WDFY3: variants seen among roughly 807,000 people sequenced by gnomAD.
WDFY3 encodes the protein WD repeat and FYVE domain-containing protein 3.
WDFY3 carries 66 observed loss-of-function variants against 409.6 expected under a neutral mutation model. That is an observed-to-expected ratio of 0.16 (90% CI 0.13 to 0.20). The LOEUF is 0.20. WDFY3 is among the 10% of genes least tolerant of loss of function. The pLI is 1.00. For synonymous variants in WDFY3, 1,521 were observed against 1,537.1 expected, an observed-to-expected ratio of 0.99 and a Z score of 0.25; for missense variants, 3,031 against 4,298.1, an observed-to-expected ratio of 0.71 and a Z score of 8.24.
Position 84,806,713 on chromosome 4 carries a change from T to C in WDFY3, c.2429+1621A>G, listed in dbSNP as rs549509768. On this transcript the variant is annotated intron_variant, in intron 15 of 67. Coordinates refer to ENST00000295888, the MANE Select transcript of WDFY3 (RefSeq NM_014991.6). ...CCTCCGCCTCCTTCGTTCATGCAGT[T>C]CTCCTGACTCAGCTCCTGAGTAGCT... 2.0e-5 allele frequency among the ~76,000 whole-genome samples: 3 copies of C among 152,136 alleles called. No individual in the cohort carries two copies. In the East Asian group the frequency reaches 5.8e-4, roughly 30 times the overall value.
At chr4:84,702,993 G>A (rs1478570808) in intron 55 of WDFY3, among the ~76,000 whole-genome samples, 1 of 152,066 alleles carries the variant, frequency 6.6e-6, no homozygotes, top group Non-Finnish European at 1.5e-5. Flanking sequence ...CTACTTGGGA[G>A]GCTGAGGCAG....
chr4:84,831,348 T>C, intron 8 of WDFY3, 65 bp downstream of exon 8: 1 of 1,157,192 alleles, frequency 8.6e-7, no homozygotes, highest in Non-Finnish European at 1.1e-6. Context: ...TAAAAATAAA[T>C]CTATTATTAA....
rs1477160344 is a variant in WDFY3 at position 84,751,545 on chromosome 4, T to C, written c.5911A>G (p.Ile1971Val). 7 of 1,614,106 alleles carry C rather than the reference T, an allele frequency of 4.3e-6. No individual in the cohort carries two copies. The highest frequency in any genetic ancestry group is 5.9e-6 in the Non-Finnish European group (7 of 1,180,056). ...FVFDFMRVLI[I>V]DNLCLTPASK... The stretch of plus-strand genomic sequence containing the variant: ...GCAGGAGTGAGACAGAGGTTGTCTA[T>C]GATTAAGACCCGCATGAAGTCAAAA... The change falls in exon 36 of 68, where the codon ATA becomes GTA. Residue 1971 changes from isoleucine (I) to valine (V), a missense_variant. Physicochemically the swap from Ile to Val is conservative, Grantham distance 29 (BLOSUM62 3). Transcript: ENST00000295888.
At chr4:84,721,894 T>C (rs1578250256) in intron 46 of WDFY3, among the ~76,000 whole-genome samples, 2 of 152,074 alleles carry the variant, frequency 1.3e-5, no homozygotes, top group Non-Finnish European at 2.9e-5. Context: ...TCTTAGAGGA[T>C]TGTTGGAGGA....
intron 13 of WDFY3, among the ~76,000 whole-genome samples, chr4:84,812,050 G>A (rs1050073985): frequency 6.6e-6 from 1 of 151,986 alleles, no homozygotes; most frequent in Admixed American, 6.6e-5. Flanking sequence ...TTTGGATGAG[G>A]GATGCTCAAC....
At chr4:84,733,178 C>A (rs569197435) in intron 44 of WDFY3, among the ~76,000 whole-genome samples, 138 of 152,264 alleles carry the variant, frequency 9.1e-4, no homozygotes, top group African/African-American at 3.2e-3. Flanking sequence ...AGTCTGTAAT[C>A]TAAACCTCTT....
Position 84,712,061 on chromosome 4 carries a change from T to C in WDFY3, c.8042+1098A>G, listed in dbSNP as rs909911128. ...AATCATAGCCGGGCATGGTGACTCA[T>C]GCCTGCAATCCCAGCGCTTTGAGGG... On this transcript the variant is annotated intron_variant, in intron 51 of 67. Coordinates refer to ENST00000295888, the MANE Select transcript of WDFY3 (RefSeq NM_014991.6). Among the ~76,000 whole-genome samples, 8 of 152,116 alleles carry C rather than the reference T, an allele frequency of 5.3e-5. No individual in the cohort carries two copies. In the East Asian group the frequency reaches 9.7e-4, roughly 18 times the overall value.
chr4:84,867,977 T>C (rs1406790383), intron 3 of WDFY3, among the ~76,000 whole-genome samples: 3 of 151,884 alleles, frequency 2.0e-5, no homozygotes, highest in Admixed American at 6.6e-5. Flanking sequence ...AAGATCATCC[T>C]GGCCAACATG....
At chr4:84,926,756 G>A (rs1199634014) in intron 2 of WDFY3, among the ~76,000 whole-genome samples, 1 of 152,092 alleles carries the variant, frequency 6.6e-6, no homozygotes, top group Non-Finnish European at 1.5e-5. Flanking sequence ...CAGTATCCTG[G>A]TAACAGCATC....
intron 33 of WDFY3, among the ~76,000 whole-genome samples, chr4:84,755,886 C>G (rs949642173): frequency 3.3e-5 from 5 of 152,194 alleles, no homozygotes; most frequent in Middle Eastern, 3.4e-3. Context: ...ACTATGGCAC[C>G]ATGGATATTG....
At position 84,966,622 on chromosome 4, in the gene WDFY3, C is replaced by A. The variant is rs963916603; in HGVS notation, c.-639G>T. On this transcript the variant is annotated 5_prime_UTR_variant, in exon 1 of 68. Transcript: ENST00000295888. ...GAAAGTGAGGGGTTGTTGCCGTTTC[C>A]CGCAGCTGTTGGTGGCCATCTTTAA... is the stretch of plus-strand genomic sequence containing the variant. 6.6e-6 allele frequency among the ~76,000 whole-genome samples: 1 copy of A among 152,028 alleles called. No homozygotes were observed. The highest frequency in any genetic ancestry group is 2.1e-4 in the South Asian group (1 of 4,824).
At chr4:84,933,526 A>AT (rs1169906953) in intron 1 of WDFY3, among the ~76,000 whole-genome samples, 2 of 152,074 alleles carry the variant, frequency 1.3e-5, no homozygotes, top group African/African-American at 4.8e-5. Context: ...AGCATTTATT[A>AT]TTTTTTTGTG....
intron 3 of WDFY3, among the ~76,000 whole-genome samples, chr4:84,867,112 ACAT>A (rs1761493771): frequency 6.6e-6 from 1 of 152,156 alleles, no homozygotes; most frequent in South Asian, 2.1e-4. Flanking sequence ...AACTTAAATA[ACAT>A]CATTTCTGTA....
In WDFY3 at chr4:84,672,335, G is replaced by A. The variant is rs564209731; in HGVS notation, c.*533C>T. ...ATATTTATAATTAATTGGTAAGTGAGGGATGTCAGACAAACCATAAGTAGT... is the reference window on the plus strand; with the variant it reads ...ATATTTATAATTAATTGGTAAGTGAAGGATGTCAGACAAACCATAAGTAGT... On this transcript the variant is annotated 3_prime_UTR_variant, in exon 68 of 68. Coordinates refer to ENST00000295888, the MANE Select transcript of WDFY3 (RefSeq NM_014991.6). The A allele has an allele frequency of 3.3e-5, 5 of 152,292 alleles. No individual in the cohort carries two copies. The highest frequency in any genetic ancestry group is 1.2e-4 in the African/African-American group (5 of 41,566). 9.4% of individuals were successfully genotyped at this position (152,292 alleles called of 1,614,324 possible). A position where few individuals can be genotyped will look rare whatever the true frequency, so the allele number is the denominator to read the frequency against.
chr4:84,941,581 T>C (rs1055234969), intron 1 of WDFY3, among the ~76,000 whole-genome samples: 2 of 152,000 alleles, frequency 1.3e-5, no homozygotes, highest in Non-Finnish European at 2.9e-5. Flanking sequence ...TTGGAGGCAA[T>C]ATATTCAAGG....
chr4:84,937,254 T>C (rs1235737078), intron 1 of WDFY3, among the ~76,000 whole-genome samples: 1 of 152,146 alleles, frequency 6.6e-6, no homozygotes, highest in Non-Finnish European at 1.5e-5. Context: ...ATCTGCAGCA[T>C]TTGGCATGAC....
intron 1 of WDFY3, among the ~76,000 whole-genome samples, chr4:84,955,493 A>G (rs1457594987): frequency 6.6e-5 from 10 of 152,204 alleles, no homozygotes; most frequent in Non-Finnish European, 1.5e-5. Context: ...CATCCTCTGA[A>G]GAGGACAAAA....
At position 84,801,864 on chromosome 4, in the gene WDFY3, G is replaced by T; in HGVS notation, c.2608C>A (p.His870Asn). The stretch of plus-strand genomic sequence containing the variant: ...ACGGCAAGTTGAAGATCCAAAGCAT[G>T]CTAAAATCAACAAAGAAATCCACAC... The part of the protein sequence containing the change: ...ASVGSVTQPE[H>N]ALDLQLAVAN... Residue 870 changes from histidine (H) to asparagine (N), a missense_variant and splice_region_variant, in exon 17 of 68, where the codon CAT (histidine) becomes AAT (asparagine). Around this residue, in one of 16 missense-constraint regions of WDFY3, gnomAD observed 1,322 missense variants for 1,697.9 expected, o/e 0.78. Transcript: ENST00000295888. 1 of 1,613,038 alleles carries T rather than the reference G, an allele frequency of 6.2e-7. No homozygotes were observed. Among genetic ancestry groups the T allele is most frequent in the Non-Finnish European group, 8.5e-7 (1 of 1,179,150 alleles).
In WDFY3 at chr4:84,755,137, A is replaced by G. The variant is rs186636373; in HGVS notation, c.5559+129T>C. ...CGTTAGATATAATTTTGTCTAACAT[A>G]AGAGTCTGAAGTTCCAGAGATCATG... On this transcript the variant is annotated intron_variant, in intron 34 of 67. Transcript: ENST00000295888. 4.6e-4 allele frequency: 619 copies of G among 1,338,010 alleles called. 2 individuals are homozygous for G. The African/African-American group carries it at 7.9e-3, about 17-fold the overall frequency. 82.9% of individuals were successfully genotyped at this position (1,338,010 alleles called of 1,614,324 possible). A position where few individuals can be genotyped will look rare whatever the true frequency, so the allele number is the denominator to read the frequency against.
Sources: allele counts gnomAD v4.1 joint callset (sites outside exome capture counted in the v4.1 genomes callset), GRCh38; gene constraint gnomAD v4.1.1; regional missense constraint gnomAD v4.1.1; transcripts MANE v1.5; gene names NCBI Gene and HGNC (gene_info 2026-07-23, HGNC 2026-07-21).